HS3ST4: variants seen among roughly 807,000 people sequenced by gnomAD.
HS3ST4 encodes the protein heparan sulfate-glucosamine 3-sulfotransferase 4, also known as heparan sulfate glucosamine 3-O-sulfotransferase 4.
HS3ST4 carries 17 observed loss-of-function variants against 29.2 expected under a neutral mutation model. The ratio of observed to expected loss-of-function variants is 0.58; its 90% CI spans 0.40 to 0.87. The LOEUF is 0.87. HS3ST4 is among the 40% of genes least tolerant of loss of function. The pLI, the probability that HS3ST4 is intolerant of heterozygous loss-of-function variation, is 0.00. For missense variants in HS3ST4, 627 were observed against 634.5 expected (o/e 0.99, Z 0.13); for synonymous variants, 314 against 285.7 (o/e 1.10, Z -1.00).
chr16:25,778,262 T>A (rs1567237978), intron 1 of HS3ST4, among the ~76,000 whole-genome samples: 1 of 152,238 alleles, frequency 6.6e-6, no homozygotes, highest in Non-Finnish European at 1.5e-5. Flanking sequence ...GTTGGCCATT[T>A]GGCCTGGGAC....
chr16:25,953,040 G>T lies in HS3ST4; in HGVS notation c.735-182572G>T, dbSNP rs1469527018. ...CTTTTGAGGGCTAGGTTTCTGTATG[G>T]CCCTTCTTGGTTATCTAAAATTAAG... is the stretch of plus-strand genomic sequence containing the variant. On this transcript the variant is annotated intron_variant, in intron 1 of 1. Coordinates refer to ENST00000331351, the MANE Select transcript of HS3ST4 (RefSeq NM_006040.3). 2.6e-5 allele frequency among the ~76,000 whole-genome samples: 4 copies of T among 152,242 alleles called. No homozygotes were observed. The South Asian group carries it at 6.2e-4, about 24-fold the overall frequency.
At chr16:25,974,207 T>C (rs9930733) in intron 1 of HS3ST4, among the ~76,000 whole-genome samples, 104,232 of 152,096 alleles carry the variant, frequency 0.69, 37,005 homozygotes, top group African/African-American at 0.88. Context: ...TTATCTAATA[T>C]GCTTTTATCA....
At chr16:25,991,656 A>G (rs1271015873) in intron 1 of HS3ST4, among the ~76,000 whole-genome samples, 1 of 152,234 alleles carries the variant, frequency 6.6e-6, no homozygotes, top group Non-Finnish European at 1.5e-5. Flanking sequence ...GGCTATCTAC[A>G]TGCAGAATTA....
intron 1 of HS3ST4, among the ~76,000 whole-genome samples, chr16:25,717,389 A>G (rs1213017232): frequency 1.3e-5 from 2 of 152,144 alleles, no homozygotes; most frequent in East Asian, 3.9e-4. Flanking sequence ...GTAAGATAAT[A>G]TAATAAAGGC....
intron 1 of HS3ST4, among the ~76,000 whole-genome samples, chr16:25,956,357 T>C (rs775649269): frequency 2.6e-5 from 4 of 152,186 alleles, no homozygotes; most frequent in Non-Finnish European, 4.4e-5. Flanking sequence ...TACCCAGAAG[T>C]TGTTCTTGTT....
intron 1 of HS3ST4, among the ~76,000 whole-genome samples, chr16:25,706,815 T>C (rs946093396): frequency 6.6e-6 from 1 of 152,240 alleles, no homozygotes; most frequent in East Asian, 1.9e-4. Flanking sequence ...AATTATTTGG[T>C]TGGAGCCAAT....
intron 1 of HS3ST4, among the ~76,000 whole-genome samples, chr16:26,064,321 A>G (rs932843851): frequency 6.6e-6 from 1 of 152,204 alleles, no homozygotes; most frequent in African/African-American, 2.4e-5. Context: ...AAAGTTTCCA[A>G]TGCTGTCTTA....
chr16:26,076,531 A>C (rs1205617350), intron 1 of HS3ST4, among the ~76,000 whole-genome samples: 1 of 152,224 alleles, frequency 6.6e-6, no homozygotes, highest in Non-Finnish European at 1.5e-5. Context: ...TTGGGAGCTA[A>C]GGAAGCATAG....
At chr16:26,133,164 A>G (rs983876128) in intron 1 of HS3ST4, among the ~76,000 whole-genome samples, 1 of 151,982 alleles carries the variant, frequency 6.6e-6, no homozygotes, top group Non-Finnish European at 1.5e-5. Flanking sequence ...TGTAAGAATT[A>G]CTGTAAGAAT....
chr16:26,044,973 C>T lies in HS3ST4; in HGVS notation c.735-90639C>T, dbSNP rs562775078. On this transcript the variant is annotated intron_variant, in intron 1 of 1. Transcript: ENST00000331351. ...TTGCTGACCAGTCTACAAATCTCAA[C>T]GCTCTCCTGGGAGACTGACTGCCGT... Among the ~76,000 whole-genome samples the T allele has an allele frequency of 3.0e-4, 46 of 152,256 alleles. 1 individual carries two copies. Among genetic ancestry groups the T allele is most frequent in the Admixed American group, 1.6e-3 (24 of 15,292 alleles).
At chr16:26,112,122 A>C (rs1899139869) in intron 1 of HS3ST4, among the ~76,000 whole-genome samples, 1 of 152,104 alleles carries the variant, frequency 6.6e-6, no homozygotes. Context: ...GAAGGAGTGC[A>C]CTAGCTTATT....
At chr16:26,046,978 T>C (rs1329527882) in intron 1 of HS3ST4, among the ~76,000 whole-genome samples, 1 of 152,318 alleles carries the variant, frequency 6.6e-6, no homozygotes, top group Middle Eastern at 3.4e-3. Flanking sequence ...TAGTACAATA[T>C]GTTTCCTCTT....
intron 1 of HS3ST4, among the ~76,000 whole-genome samples, chr16:25,899,246 C>T (rs1968098862): frequency 6.6e-6 from 1 of 152,212 alleles, no homozygotes; most frequent in African/African-American, 2.4e-5. Context: ...GTCAGTCAAC[C>T]TCTCCTCTGT....
intron 1 of HS3ST4, among the ~76,000 whole-genome samples, chr16:26,021,020 G>C (rs573259072): frequency 6.6e-6 from 1 of 152,316 alleles, no homozygotes; most frequent in Non-Finnish European, 1.5e-5. Context: ...CACAGTTCCT[G>C]TCATGCTGTA....
intron 1 of HS3ST4, among the ~76,000 whole-genome samples, chr16:26,015,739 C>A (rs1278080686): frequency 1.3e-5 from 2 of 152,144 alleles, no homozygotes; most frequent in Non-Finnish European, 2.9e-5. Flanking sequence ...TCAGGAAATT[C>A]TAAGGATCTA....
chr16:26,055,310 T>A (rs976457174), intron 1 of HS3ST4, among the ~76,000 whole-genome samples: 17 of 152,140 alleles, frequency 1.1e-4, no homozygotes, highest in African/African-American at 4.1e-4. Flanking sequence ...AGGTTCAGTT[T>A]TCAGCTAGGA....
rs1397677045 is a variant in HS3ST4 at position 25,692,117 on chromosome 16, G to GC, written c.-301_-300insC. 1 of 150,194 alleles carries GC rather than the reference G, an allele frequency of 6.7e-6. No homozygotes were observed. Among genetic ancestry groups the GC allele is most frequent in the Non-Finnish European group, 1.5e-5 (1 of 67,248 alleles). The allele number at this position is 150,194 out of a possible 1,614,324, so 9.3% of individuals were successfully genotyped here. On this transcript the variant is annotated 5_prime_UTR_variant, in exon 1 of 2. Transcript: ENST00000331351. ...TGCAGACGGAGCAGGTGCCGCCGGC[G>GC]GGTCCGCGCGCCCCCCTCGGTCCCC...
chr16:26,020,976 G>C (rs193196975), intron 1 of HS3ST4, among the ~76,000 whole-genome samples: 67 of 152,312 alleles, frequency 4.4e-4, no homozygotes, highest in African/African-American at 1.4e-3. Flanking sequence ...GCCTCATAAA[G>C]GAATAGATGC....
At chr16:26,051,072 G>A (rs976234039) in intron 1 of HS3ST4, among the ~76,000 whole-genome samples, 24 of 152,178 alleles carry the variant, frequency 1.6e-4, no homozygotes, top group African/African-American at 4.1e-4. Flanking sequence ...GAGGTGTGGT[G>A]GATTAATACA....
Sources: allele counts gnomAD v4.1 joint callset (sites outside exome capture counted in the v4.1 genomes callset), GRCh38; gene constraint gnomAD v4.1.1; transcripts MANE v1.5; gene names NCBI Gene and HGNC (gene_info 2026-07-23, HGNC 2026-07-21).